POLR3B: variants seen among roughly 807,000 people sequenced by gnomAD.
The protein encoded by POLR3B is DNA-directed RNA polymerase III subunit RPC2.
A neutral mutation model predicts 147.4 loss-of-function variants in POLR3B; 96 were observed. The observed-to-expected ratio is 0.65, with a 90% CI of 0.55 to 0.77. POLR3B has a LOEUF of 0.77. Among genes scored for constraint, POLR3B ranks in the 30% least tolerant of loss-of-function variants. The pLI, the probability that POLR3B is intolerant of heterozygous loss-of-function variation, is 0.00. For synonymous variants in POLR3B, 461 were observed against 485.9 expected, an observed-to-expected ratio of 0.95 and a Z score of 0.67; for missense variants, 1,036 against 1,413.5, an observed-to-expected ratio of 0.73 and a Z score of 4.28.
intron 19 of POLR3B, among the ~76,000 whole-genome samples, chr12:106,451,805 T>G (rs2037800901): frequency 2.0e-5 from 3 of 152,214 alleles, no homozygotes; most frequent in Non-Finnish European, 4.4e-5. Context: ...AAGAGCACTT[T>G]TTCAATATTT....
At chr12:106,380,787 G>C (rs1393347580) in intron 9 of POLR3B, among the ~76,000 whole-genome samples, 2 of 152,080 alleles carry the variant, frequency 1.3e-5, no homozygotes, top group Non-Finnish European at 2.9e-5. Flanking sequence ...TGAATTGTTG[G>C]CCTAGAACCC....
At chr12:106,459,546 G>A (rs1038661160) in intron 22 of POLR3B, among the ~76,000 whole-genome samples, 178 bp downstream of exon 22, 1 of 152,154 alleles carries the variant, frequency 6.6e-6, no homozygotes, top group African/African-American at 2.4e-5. Context: ...GAATCATATA[G>A]GCCCTAAACT....
At position 106,432,421 on chromosome 12, in the gene POLR3B, T is replaced by A. The variant is rs138249161; in HGVS notation, c.1568T>A (p.Val523Glu). 674 of 1,613,334 alleles carry A rather than the reference T, an allele frequency of 4.2e-4. No individual in the cohort carries two copies. Among genetic ancestry groups the A allele is most frequent in the Non-Finnish European group, 5.5e-4 (650 of 1,179,318 alleles). Residue 523 changes from valine (V) to glutamate (E), a missense_variant, in exon 15 of 28, where the codon GTG (valine) becomes GAG (glutamate). By Grantham distance (121) the Val-to-Glu change is moderately radical (BLOSUM62 -2). Transcript: ENST00000228347. Reference protein sequence around the residue: ...KLASNLGVEDVNLLCGEELSY... With the variant: ...KLASNLGVEDENLLCGEELSY... Reference sequence around the variant, plus strand: ...GCCAGTAACTTGGGAGTAGAAGATGTGAATTTATTATGTGGGGAAGAGCTC... The same window carrying A: ...GCCAGTAACTTGGGAGTAGAAGATGAGAATTTATTATGTGGGGAAGAGCTC...
At chr12:106,451,336 A>G (rs879210357) in intron 19 of POLR3B, among the ~76,000 whole-genome samples, 2 of 152,076 alleles carry the variant, frequency 1.3e-5, no homozygotes, top group South Asian at 2.1e-4. Context: ...TTGATTTAAA[A>G]GAAAATTGAG....
intron 23 of POLR3B, among the ~76,000 whole-genome samples, chr12:106,482,324 T>G (rs1428043806): frequency 6.6e-6 from 1 of 152,218 alleles, no homozygotes; most frequent in East Asian, 1.9e-4. Flanking sequence ...TGTTATTCCA[T>G]TCTCACACTG....
intron 20 of POLR3B, among the ~76,000 whole-genome samples, chr12:106,456,839 G>A (rs575148705): frequency 2.0e-5 from 3 of 152,210 alleles, no homozygotes; most frequent in Admixed American, 1.3e-4. Flanking sequence ...GAATCACAGC[G>A]CCAGTCTTAG....
At chr12:106,385,763 A>G (rs1185871838) in intron 9 of POLR3B, among the ~76,000 whole-genome samples, 2 of 152,152 alleles carry the variant, frequency 1.3e-5, no homozygotes, top group Non-Finnish European at 2.9e-5. Context: ...TCTAAATGCA[A>G]TTGTGTGAAG....
At chr12:106,501,164 A>G (rs1167235442) in intron 25 of POLR3B, among the ~76,000 whole-genome samples, 159 bp from the exon 26 acceptor site, 1 of 152,208 alleles carries the variant, frequency 6.6e-6, no homozygotes, top group Non-Finnish European at 1.5e-5. Context: ...GGTACTTTTC[A>G]TATTTTTACA....
At chr12:106,425,694 C>T (rs1255028558) in intron 12 of POLR3B, among the ~76,000 whole-genome samples, 2 of 152,158 alleles carry the variant, frequency 1.3e-5, no homozygotes, top group Non-Finnish European at 2.9e-5. Flanking sequence ...TGGGAGTGGA[C>T]ACTTCTTGTG....
rs548375245 is a variant in POLR3B, at chr12:106,496,677, G to T, written c.2818-75G>T. ...TTATTAATAGTGGTCGTGGGGAAAT[G>T]AGCTGGAGATAAATAAGCAGAGAGA... is the stretch of plus-strand genomic sequence containing the variant. On this transcript the variant is annotated intron_variant, in intron 24 of 27. Coordinates refer to ENST00000228347, the MANE Select transcript of POLR3B (RefSeq NM_018082.6). The T allele has an allele frequency of 1.4e-4, 172 of 1,262,436 alleles. 1 individual carries two copies. In the South Asian group the frequency reaches 1.7e-3, roughly 12 times the overall value. The allele number at this position is 1,262,436 out of a possible 1,614,324, so 78.2% of individuals were successfully genotyped here.
At chr12:106,378,651 TAA>T (rs11351722) in intron 8 of POLR3B, among the ~76,000 whole-genome samples, 11 of 149,198 alleles carry the variant, frequency 7.4e-5, no homozygotes, top group Non-Finnish European at 1.2e-4. Flanking sequence ...AAAGGAGATT[TAA>T]AAAAAAAAAA....
chr12:106,460,247 A>G (rs10861609), intron 22 of POLR3B, among the ~76,000 whole-genome samples: 59,768 of 152,102 alleles, frequency 0.39, 13,924 homozygotes, highest in African/African-American at 0.65. Flanking sequence ...AAAAAGTGCA[A>G]TAATGACCAT....
At chr12:106,365,118 G>A (rs1348260359) in intron 2 of POLR3B, among the ~76,000 whole-genome samples, 1 of 152,086 alleles carries the variant, frequency 6.6e-6, no homozygotes, top group African/African-American at 2.4e-5. Flanking sequence ...CTGGTCGACA[G>A]TGTGAGATTC....
intron 18 of POLR3B, among the ~76,000 whole-genome samples, chr12:106,438,638 G>T (rs2037610475): frequency 6.6e-6 from 1 of 152,104 alleles, no homozygotes; most frequent in Non-Finnish European, 1.5e-5. Context: ...GGGATTACAG[G>T]CATGAGCCAC....
In POLR3B at chr12:106,454,554, A is replaced by G. The variant is rs139146614; in HGVS notation, c.2136A>G (p.Leu712=). 7.2e-4 allele frequency: 1,156 copies of G among 1,608,824 alleles called. 3 individuals are homozygous for G. The African/African-American group carries it at 9.9e-3, about 14-fold the overall frequency. Reference sequence around the variant, plus strand: ...GAATTGATACTCTCATGTATCTACTAGCATATCCACAAAAACCCATGGTTA... The same window carrying G: ...GAATTGATACTCTCATGTATCTACTGGCATATCCACAAAAACCCATGGTTA... ...RNRIDTLMYL[L]AYPQKPMVKT... Residue 712 remains leucine (L), a synonymous_variant, in exon 20 of 28, where the codon CTA becomes CTG. Coordinates refer to ENST00000228347, the MANE Select transcript of POLR3B (RefSeq NM_018082.6).
intron 23 of POLR3B, among the ~76,000 whole-genome samples, chr12:106,483,123 T>G (rs1336515109): frequency 1.3e-5 from 2 of 152,180 alleles, no homozygotes; most frequent in African/African-American, 4.8e-5. Flanking sequence ...GTCCCACAGT[T>G]GGGCCTGTAA....
At chr12:106,463,110 T>A (rs1302783460) in intron 22 of POLR3B, among the ~76,000 whole-genome samples, 2 of 152,210 alleles carry the variant, frequency 1.3e-5, no homozygotes, top group African/African-American at 4.8e-5. Flanking sequence ...GTAAAAGTGC[T>A]ATTACTATTA....
intron 15 of POLR3B, 21 bp from the exon 16 acceptor site, chr12:106,433,698 C>G (rs760159484): frequency 3.1e-6 from 5 of 1,605,518 alleles, no homozygotes; most frequent in South Asian, 1.1e-5. Flanking sequence ...TCTGTCTTAC[C>G]TGTTCTTTCT....
chr12:106,402,940 A>G (rs535540897), intron 10 of POLR3B, among the ~76,000 whole-genome samples: 84 of 152,206 alleles, frequency 5.5e-4, no homozygotes, highest in Non-Finnish European at 9.0e-4. Context: ...AATGGCAACA[A>G]CAGCCAAAAT....
Sources: allele counts gnomAD v4.1 joint callset (sites outside exome capture counted in the v4.1 genomes callset), GRCh38; gene constraint gnomAD v4.1.1; transcripts MANE v1.5; gene names NCBI Gene and HGNC (gene_info 2026-07-23, HGNC 2026-07-21).